Variants in XKR7 observed in about 807,000 individuals in gnomAD.
The protein encoded by XKR7 is XK related 7, also known as XK-related protein 7.
XKR7 carries 11 observed loss-of-function variants against 42.2 expected under a neutral mutation model. That is an observed-to-expected ratio of 0.26 (90% CI 0.16 to 0.43). The LOEUF is 0.43. Among genes scored for constraint, XKR7 ranks in the 20% least tolerant of loss-of-function variants. The pLI is 1.00. For missense variants in XKR7, 710 were observed against 802.2 expected (o/e 0.89, Z 1.39); for synonymous variants, 346 against 366.4 (o/e 0.94, Z 0.64).
chr20:31,988,063 T>G (rs1448097346), intron 1 of XKR7, among the ~76,000 whole-genome samples: 1 of 152,146 alleles, frequency 6.6e-6, no homozygotes, highest in African/African-American at 2.4e-5. Flanking sequence ...TGACTCAGGA[T>G]CTGAGGTCAA....
intron 1 of XKR7, among the ~76,000 whole-genome samples, chr20:31,978,833 C>T (rs1454477494): frequency 1.3e-5 from 2 of 152,150 alleles, no homozygotes; most frequent in African/African-American, 4.8e-5. Flanking sequence ...AAAAGATAGA[C>T]TTCAAAAACA....
intron 1 of XKR7, among the ~76,000 whole-genome samples, chr20:31,984,276 G>T (rs932482395): frequency 1.4e-5 from 2 of 147,810 alleles, no homozygotes; most frequent in African/African-American, 5.0e-5. Context: ...AAAAAAACAA[G>T]TAGTGGGGAG....
At chr20:31,994,639 G>A (rs2064582923) in intron 1 of XKR7, among the ~76,000 whole-genome samples, 1 of 152,132 alleles carries the variant, frequency 6.6e-6, no homozygotes, top group Non-Finnish European at 1.5e-5. Flanking sequence ...CCAGGAGTTT[G>A]AAGTTGCTGT....
At position 31,996,949 on chromosome 20, in the gene XKR7, A is replaced by C; in HGVS notation, c.1232A>C (p.Asp411Ala). The C allele has an allele frequency of 6.2e-7, 1 of 1,613,930 alleles. No individual in the cohort carries two copies. The highest frequency in any genetic ancestry group is 8.5e-7 in the Non-Finnish European group (1 of 1,180,002). ...FWYSSRNFST[D>A]FYSLIMVCVV... Reference sequence around the variant, plus strand: ...TACTCCAGCCGCAACTTCTCAACCGACTTCTACTCGCTCATCATGGTCTGC... The same window carrying C: ...TACTCCAGCCGCAACTTCTCAACCGCCTTCTACTCGCTCATCATGGTCTGC... Residue 411 changes from aspartate (D) to alanine (A), a missense_variant, in exon 3 of 3, where the codon GAC (aspartate) becomes GCC (alanine). Asp to Ala is a moderately radical substitution (Grantham distance 126). Coordinates refer to ENST00000562532, the MANE Select transcript of XKR7 (RefSeq NM_001011718.2).
chr20:31,973,236 G>A (rs1423312662), intron 1 of XKR7, among the ~76,000 whole-genome samples: 1 of 152,202 alleles, frequency 6.6e-6, no homozygotes, highest in Non-Finnish European at 1.5e-5. Context: ...AGGACAGCAA[G>A]GGGGTCCTGA....
intron 1 of XKR7, among the ~76,000 whole-genome samples, chr20:31,982,471 G>A (rs1301435362): frequency 1.3e-5 from 2 of 148,490 alleles, no homozygotes; most frequent in Non-Finnish European, 3.0e-5. Flanking sequence ...GCAGTGAGCT[G>A]AGATCGAGCC....
At chr20:31,981,922 C>T (rs1033285277) in intron 1 of XKR7, among the ~76,000 whole-genome samples, 22 of 152,160 alleles carry the variant, frequency 1.4e-4, no homozygotes, top group African/African-American at 4.1e-4. Context: ...ACTCCTATGT[C>T]TGCTTCAGAT....
intron 1 of XKR7, among the ~76,000 whole-genome samples, chr20:31,975,803 T>TA (rs577276882): frequency 3.3e-5 from 5 of 152,298 alleles, no homozygotes; most frequent in Admixed American, 2.0e-4. Context: ...TTCAGTTAGC[T>TA]AAAAAAATGC....
chr20:31,992,153 CA>C (rs1297550312), intron 1 of XKR7, among the ~76,000 whole-genome samples: 3 of 151,292 alleles, frequency 2.0e-5, no homozygotes, highest in Admixed American at 6.6e-5. Flanking sequence ...CAAAAACAAA[CA>C]AAAAAACTGA....
In XKR7 at chr20:31,968,326, C is replaced by T; in HGVS notation, c.151C>T (p.Arg51Cys). The T allele has an allele frequency of 2.0e-6, 3 of 1,505,144 alleles. No homozygotes were observed. Among genetic ancestry groups the T allele is most frequent in the African/African-American group, 1.4e-5 (1 of 70,518 alleles). 93.2% of individuals were successfully genotyped at this position (1,505,144 alleles called of 1,614,324 possible). ...CGTCGGGGCGGGCGGCCCGGGGCCG[C>T]GCTACGAGCTGCGGGACTGCTGCTG... ...GVVGAGGPGP[R>C]YELRDCCWVL... is the part of the protein sequence containing the mutation. The change falls in exon 1 of 3, where the codon CGC becomes TGC. Residue 51 changes from arginine to cysteine, a missense_variant. Around this residue, in one of 2 missense-constraint regions of XKR7, gnomAD observed 708 missense variants for 786.2 expected, o/e 0.90. Coordinates refer to ENST00000562532, the MANE Select transcript of XKR7 (RefSeq NM_001011718.2). The surrounding 1 kb of genome is among the most constrained non-coding windows in gnomAD (Gnocchi z 4.5).
At chr20:31,986,259 A>C (rs1333118979) in intron 1 of XKR7, among the ~76,000 whole-genome samples, 5 of 104,808 alleles carry the variant, frequency 4.8e-5, no homozygotes, top group Non-Finnish European at 1.0e-4. Flanking sequence ...CAGACCCAGC[A>C]TCCAAGACAC....
In XKR7 at chr20:31,968,299, G is replaced by T; in HGVS notation, c.124G>T (p.Val42Phe). 1 of 1,251,574 alleles carries T rather than the reference G, an allele frequency of 8.0e-7. No individual in the cohort carries two copies. Among genetic ancestry groups the T allele is most frequent in the Non-Finnish European group, 1.0e-6 (1 of 999,016 alleles). The allele number at this position is 1,251,574 out of a possible 1,614,324, so 77.5% of individuals were successfully genotyped here. A position where few individuals can be genotyped will look rare whatever the true frequency, so the allele number is the denominator to read the frequency against. The change falls in exon 1 of 3, where the codon GTC becomes TTC. Residue 42 changes from valine (V) to phenylalanine (F), a missense_variant. Val to Phe is a conservative substitution (Grantham distance 50, BLOSUM62 -1). This residue lies in a region of XKR7 where 708 missense variants were observed against 786.2 expected (regional missense o/e 0.90). Coordinates refer to ENST00000562532, the MANE Select transcript of XKR7 (RefSeq NM_001011718.2). This position sits in a 1 kb window ranked among gnomAD's most constrained non-coding sequence, Gnocchi z 4.5. ...GGCGGCGGCGGCCGGGCCCCCGGGG[G>T]TCGTCGGGGCGGGCGGCCCGGGGCC... is the stretch of plus-strand genomic sequence containing the variant. The part of the protein sequence containing the change: ...EAAAAAGPPG[V>F]VGAGGPGPRY...
intron 1 of XKR7, among the ~76,000 whole-genome samples, chr20:31,982,347 C>T (rs2064517196): frequency 6.6e-6 from 1 of 152,012 alleles, no homozygotes; most frequent in African/African-American, 2.4e-5. Context: ...ATGGCGAAAC[C>T]CTGTCTCTAC....
chr20:31,995,353 G>C lies in XKR7; in HGVS notation c.787+83G>C. ...GCTTCAGGCTCCCTGGGGATGCCCT[G>C]TGGGCTTCCCCACCCCAGCTCAGGG... On this transcript the variant is annotated intron_variant, in intron 2 of 2. Coordinates refer to ENST00000562532, the MANE Select transcript of XKR7 (RefSeq NM_001011718.2). The surrounding 1 kb of genome is among the most constrained non-coding windows in gnomAD (Gnocchi z 4.1). 6.6e-7 allele frequency: 1 copy of C among 1,521,048 alleles called. No individual in the cohort carries two copies. Among genetic ancestry groups the C allele is most frequent in the Non-Finnish European group, 8.8e-7 (1 of 1,141,688 alleles). 94.2% of individuals were successfully genotyped at this position (1,521,048 alleles called of 1,614,324 possible).
At chr20:31,975,226 C>T (rs1404384387) in intron 1 of XKR7, among the ~76,000 whole-genome samples, 1 of 152,106 alleles carries the variant, frequency 6.6e-6, no homozygotes, top group South Asian at 2.1e-4. Context: ...CCGGTTATCA[C>T]CCCCAACCCC....
chr20:31,970,729 T>C (rs186436114), intron 1 of XKR7: 25 of 152,346 alleles, frequency 1.6e-4, no homozygotes, highest in Admixed American at 1.4e-3. Flanking sequence ...TTTGTCCATC[T>C]TTCCCTTTGA....
chr20:31,968,864 C>A lies in XKR7; in HGVS notation c.584+105C>A, dbSNP rs1157525550. 13 of 1,405,936 alleles carry A rather than the reference C, an allele frequency of 9.2e-6. No homozygotes were observed. In the African/African-American group the frequency reaches 1.6e-4, roughly 17 times the overall value. The allele number at this position is 1,405,936 out of a possible 1,614,324, so 87.1% of individuals were successfully genotyped here. ...TGACCTTTCCGGGCTACCCTCCTGT[C>A]CTGACCTCCCCCCCTCCCCACCCCA... On this transcript the variant is annotated intron_variant, in intron 1 of 2. Coordinates refer to ENST00000562532, the MANE Select transcript of XKR7 (RefSeq NM_001011718.2). The surrounding 1 kb of genome is among the most constrained non-coding windows in gnomAD (Gnocchi z 4.5).
chr20:31,983,021 A>G (rs1025020231), intron 1 of XKR7, among the ~76,000 whole-genome samples: 3 of 152,216 alleles, frequency 2.0e-5, no homozygotes, highest in African/African-American at 7.2e-5. Context: ...CTGGGGCTAC[A>G]TAGTCAGTAA....
chr20:31,995,142 A>C lies in XKR7; in HGVS notation c.659A>C (p.Gln220Pro). ...CGGCTGCGGCGCCACTTCTACTGGCAGATGCTGTTCGAGAGCGCCGACGTG... is the reference window on the plus strand; with the variant it reads ...CGGCTGCGGCGCCACTTCTACTGGCCGATGCTGTTCGAGAGCGCCGACGTG... ...GERLRRHFYW[Q>P]MLFESADVSM... The change falls in exon 2 of 3, where the codon CAG becomes CCG. Residue 220 changes from glutamine (Q) to proline (P), a missense_variant. Coordinates refer to ENST00000562532, the MANE Select transcript of XKR7 (RefSeq NM_001011718.2). This position sits in a 1 kb window ranked among gnomAD's most constrained non-coding sequence, Gnocchi z 4.1. The C allele has an allele frequency of 6.4e-7, 1 of 1,559,656 alleles. No individual in the cohort carries two copies. Among genetic ancestry groups the C allele is most frequent in the Non-Finnish European group, 8.7e-7 (1 of 1,152,208 alleles).
Sources: gnomAD v4.1 joint callset for allele counts (sites outside exome capture counted in the v4.1 genomes callset) on GRCh38, gnomAD v4.1.1 for gene constraint, gnomAD v4.1.1 regional missense constraint, Gnocchi (gnomAD v3.1) non-coding constraint, MANE v1.5 for transcripts, NCBI Gene and HGNC (gene_info 2026-07-23, HGNC 2026-07-21) for gene names.